The following AKR1D1 variants were observed in gnomAD, a reference collection of about 807,000 sequenced individuals.
AKR1D1 encodes the protein aldo-keto reductase family 1 member D1.
In AKR1D1, 32 loss-of-function variants were observed where a neutral mutation model predicts 42.6. That is an observed-to-expected ratio of 0.75 (90% CI 0.57 to 1.01). The LOEUF (loss-of-function observed/expected upper bound fraction) is 1.01, where lower values mean the gene tolerates loss of function less well. AKR1D1 is among the 50% of genes least tolerant of loss of function. AKR1D1 has a pLI of 0.00. For synonymous variants in AKR1D1, 123 were observed against 135.5 expected, an observed-to-expected ratio of 0.91 and a Z score of 0.64; for missense variants, 364 against 402.2, an observed-to-expected ratio of 0.91 and a Z score of 0.81.
chr7:138,115,276 C>G (rs1046650169), intron 8 of AKR1D1, among the ~76,000 whole-genome samples: 1 of 152,034 alleles, frequency 6.6e-6, no homozygotes, highest in African/African-American at 2.4e-5. Context: ...GACCCTATCT[C>G]TACAAAAAAT....
Position 138,085,929 on chromosome 7 carries a change from C to A in AKR1D1, c.94-2672C>A, listed in dbSNP as rs75314391. ...AGTGATGTTTCTGAGATTCTATTTA[C>A]CATCTAGTATTAAGCTTCATATATT... is the stretch of plus-strand genomic sequence containing the variant. On this transcript the variant is annotated intron_variant, in intron 1 of 8. Coordinates refer to ENST00000242375, the MANE Select transcript of AKR1D1 (RefSeq NM_005989.4). 7.4e-3 allele frequency among the ~76,000 whole-genome samples: 1,121 copies of A among 151,918 alleles called. 61 individuals carry two copies. The East Asian group carries it at 0.12, about 17-fold the overall frequency.
intron 1 of AKR1D1, among the ~76,000 whole-genome samples, chr7:138,079,127 C>T (rs912163461): frequency 4.6e-5 from 7 of 152,162 alleles, no homozygotes; most frequent in East Asian, 1.9e-4. Context: ...CCATGACACC[C>T]GGCCCTAAAC....
chr7:138,079,070 G>A (rs1803000067), intron 1 of AKR1D1, among the ~76,000 whole-genome samples: 1 of 152,104 alleles, frequency 6.6e-6, no homozygotes, highest in South Asian at 2.1e-4. Flanking sequence ...GGGCTCAAGT[G>A]ATCCACCTGC....
intron 1 of AKR1D1, among the ~76,000 whole-genome samples, chr7:138,085,497 TG>T (rs1480263778): frequency 1.4e-5 from 2 of 146,820 alleles, no homozygotes; most frequent in Non-Finnish European, 3.0e-5. Flanking sequence ...CAGGCTGGAG[TG>T]CAGTGGCATG....
At chr7:138,115,525 C>G (rs563235357) in intron 8 of AKR1D1, among the ~76,000 whole-genome samples, 2 of 152,078 alleles carry the variant, frequency 1.3e-5, no homozygotes, top group Non-Finnish European at 2.9e-5. Context: ...AGTTTGACAT[C>G]TGACATATTT....
intron 8 of AKR1D1, among the ~76,000 whole-genome samples, chr7:138,115,099 A>T (rs1173160962): frequency 1.3e-5 from 2 of 152,240 alleles, no homozygotes; most frequent in Non-Finnish European, 2.9e-5. Context: ...AGGTTAATTA[A>T]TAGCTCTTGA....
rs967967672 is a variant in AKR1D1 at position 138,117,629 on chromosome 7, A to G, written c.*967A>G. On this transcript the variant is annotated 3_prime_UTR_variant, in exon 9 of 9. Coordinates refer to ENST00000242375, the MANE Select transcript of AKR1D1 (RefSeq NM_005989.4). ...AATTTTGAGAAAGCAAGTTCAAAAG[A>G]ACTCTGGTAATTTTCCTGTATGTAC... 1 of 152,254 alleles carries G rather than the reference A, an allele frequency of 6.6e-6. No homozygotes were observed. Among genetic ancestry groups the G allele is most frequent in the Non-Finnish European group, 1.5e-5 (1 of 68,052 alleles). The allele number at this position is 152,254 out of a possible 1,614,324, so 9.4% of individuals were successfully genotyped here.
At chr7:138,081,125 T>G (rs571668875) in intron 1 of AKR1D1, among the ~76,000 whole-genome samples, 2 of 152,346 alleles carry the variant, frequency 1.3e-5, no homozygotes, top group East Asian at 3.9e-4. Context: ...TCTACTATAG[T>G]GGGCTCCCTT....
intron 1 of AKR1D1, among the ~76,000 whole-genome samples, chr7:138,077,936 C>T (rs745797764): frequency 6.6e-6 from 1 of 152,116 alleles, no homozygotes; most frequent in Non-Finnish European, 1.5e-5. Flanking sequence ...TTACCAAGGA[C>T]CTTGAACACC....
chr7:138,088,512 G>C, intron 1 of AKR1D1, 89 bp from the exon 2 acceptor site: 1 of 1,414,852 alleles, frequency 7.1e-7, no homozygotes, highest in Admixed American at 1.7e-5. Context: ...TAGCTGTAAA[G>C]GAATGTACAT....
Position 138,088,897 on chromosome 7 carries a change from GGTTTGTTT to G in AKR1D1, c.261+147_261+154del, listed in dbSNP as rs148566795. Reference sequence around the variant, plus strand: ...GTAGGCAGTACTTAATAACAGTTTGGGTTTGTTTGTTTGTTTGTTTGTTTGAAAGATAA... The same window carrying G: ...GTAGGCAGTACTTAATAACAGTTTGGGTTTGTTTGTTTGTTTGAAAGATAA... On this transcript the variant is annotated intron_variant, in intron 2 of 8. Transcript: ENST00000242375. 9,228 of 1,059,556 alleles carry G rather than the reference GGTTTGTTT, an allele frequency of 8.7e-3. 622 individuals carry two copies. In the African/African-American group the frequency reaches 0.13, roughly 15 times the overall value. 65.6% of individuals were successfully genotyped at this position (1,059,556 alleles called of 1,614,324 possible). A position where few individuals can be genotyped will look rare whatever the true frequency, so the allele number is the denominator to read the frequency against.
At chr7:138,107,894 G>C (rs1181537336) in intron 7 of AKR1D1, among the ~76,000 whole-genome samples, 1 of 151,500 alleles carries the variant, frequency 6.6e-6, no homozygotes, top group African/African-American at 2.4e-5. Flanking sequence ...ATATTGCCCA[G>C]GCTAGTCTGG....
At chr7:138,110,539 G>A (rs2117469859) in intron 7 of AKR1D1, among the ~76,000 whole-genome samples, 1 of 152,172 alleles carries the variant, frequency 6.6e-6, no homozygotes, top group Non-Finnish European at 1.5e-5. Context: ...GATCACCTGA[G>A]GTCTGGAGTT....
At chr7:138,087,740 T>C (rs1219928585) in intron 1 of AKR1D1, among the ~76,000 whole-genome samples, 1 of 152,188 alleles carries the variant, frequency 6.6e-6, no homozygotes, top group East Asian at 1.9e-4. Context: ...CACTGATCTA[T>C]GTCTGTCACC....
chr7:138,091,592 G>A (rs1481257873), intron 2 of AKR1D1, among the ~76,000 whole-genome samples, 176 bp from the exon 3 acceptor site: 1 of 152,058 alleles, frequency 6.6e-6, no homozygotes, highest in African/African-American at 2.4e-5. Context: ...CACTTTGGGA[G>A]GCTGAAGTGG....
At chr7:138,088,542 GATT>G in intron 1 of AKR1D1, 56 bp from the exon 2 acceptor site, 2 of 1,565,678 alleles carry the variant, frequency 1.3e-6, no homozygotes, top group South Asian at 1.1e-5. Context: ...CCTGATTAAT[GATT>G]ATTAAAGGAA....
At position 138,087,025 on chromosome 7, in the gene AKR1D1, G is replaced by T. The variant is rs765095718; in HGVS notation, c.94-1576G>T. 3.7e-4 allele frequency among the ~76,000 whole-genome samples: 56 copies of T among 152,166 alleles called. 1 individual carries two copies. Among genetic ancestry groups the T allele is most frequent in the Non-Finnish European group, 1.2e-4 (8 of 68,028 alleles). ...GGGAATTATGTGGAATCTGAAAAAT[G>T]GTGTCTTACTCTATTTTGTGCTGCT... On this transcript the variant is annotated intron_variant, in intron 1 of 8. Coordinates refer to ENST00000242375, the MANE Select transcript of AKR1D1 (RefSeq NM_005989.4).
chr7:138,103,706 A>C (rs1794362261), intron 4 of AKR1D1, among the ~76,000 whole-genome samples: 2 of 152,298 alleles, frequency 1.3e-5, no homozygotes, highest in South Asian at 2.1e-4. Flanking sequence ...CACAGACTTA[A>C]AAATTAAAAG....
In AKR1D1 at chr7:138,088,651, G is replaced by A. The variant is rs747598452; in HGVS notation, c.144G>A (p.Gly48=). Residue 48 remains glycine, a synonymous_variant, in exon 2 of 9, where the codon GGG becomes GGA. Coordinates refer to ENST00000242375, the MANE Select transcript of AKR1D1 (RefSeq NM_005989.4). The part of the protein sequence containing the change: ...ATSVKVAIDT[G]YRHIDGAYIY... The stretch of plus-strand genomic sequence containing the variant: ...CGGTGAAGGTTGCTATTGACACAGG[G>A]TACCGACATATTGATGGGGCCTACA... The A allele has an allele frequency of 3.7e-6, 6 of 1,614,148 alleles. No homozygotes were observed. The South Asian group carries it at 5.5e-5, about 15-fold the overall frequency.
Sources: allele counts gnomAD v4.1 joint callset (sites outside exome capture counted in the v4.1 genomes callset), GRCh38; gene constraint gnomAD v4.1.1; transcripts MANE v1.5; gene names NCBI Gene and HGNC (gene_info 2026-07-23, HGNC 2026-07-21).